PADI1: variants seen among roughly 807,000 people sequenced by gnomAD.
The protein encoded by PADI1 is protein-arginine deiminase type-1.
PADI1 carries 65 observed loss-of-function variants against 74.8 expected under a neutral mutation model. The ratio of observed to expected loss-of-function variants is 0.87; its 90% CI spans 0.71 to 1.07. The LOEUF is 1.07. PADI1 is among the 50% of genes least tolerant of loss of function. PADI1 has a pLI of 0.00. For synonymous variants in PADI1, 371 were observed against 336.2 expected, an observed-to-expected ratio of 1.10 and a Z score of -1.13; for missense variants, 943 against 854.0, an observed-to-expected ratio of 1.10 and a Z score of -1.30.
At position 17,240,780 on chromosome 1, in the gene PADI1, G is replaced by A. The variant is rs574753555; in HGVS notation, c.1758+20G>A. ...GACATGGTGAGAGCCCTTGTGCAGG[G>A]TCCTGCTGGGGGGTCTGCGGGGCTC... On this transcript the variant is annotated intron_variant, in intron 15 of 15. Transcript: ENST00000375471. 2 of 1,611,576 alleles carry A rather than the reference G, an allele frequency of 1.2e-6. No homozygotes were observed. The highest frequency in any genetic ancestry group is 2.2e-5 in the East Asian group (1 of 44,814).
intron 1 of PADI1, among the ~76,000 whole-genome samples, chr1:17,209,116 T>G (rs925774693): frequency 4.6e-5 from 7 of 152,208 alleles, no homozygotes; most frequent in African/African-American, 1.7e-4. Context: ...CGAAAACTTG[T>G]GGTATGTGTA....
chr1:17,222,632 G>A (rs1352499206), intron 2 of PADI1, among the ~76,000 whole-genome samples, 162 bp downstream of exon 2: 1 of 152,106 alleles, frequency 6.6e-6, no homozygotes, highest in Admixed American at 6.5e-5. Flanking sequence ...CAATGCCACT[G>A]ACGCCCAAAA....
At chr1:17,219,863 C>T (rs1216435572) in intron 1 of PADI1, among the ~76,000 whole-genome samples, 1 of 151,958 alleles carries the variant, frequency 6.6e-6, no homozygotes, top group Non-Finnish European at 1.5e-5. Context: ...GAAGGGGAGG[C>T]CATGCCTGCT....
At chr1:17,207,815 C>T (rs4384275) in intron 1 of PADI1, among the ~76,000 whole-genome samples, 45,455 of 152,118 alleles carry the variant, frequency 0.3, 7,248 homozygotes, top group African/African-American at 0.39. Flanking sequence ...CTTCAGGAAC[C>T]TTCACCTGGG....
chr1:17,215,374 T>C (rs1569761710), intron 1 of PADI1, among the ~76,000 whole-genome samples: 1 of 138,872 alleles, frequency 7.2e-6, no homozygotes, highest in African/African-American at 2.7e-5. Context: ...TTCTTCCCCC[T>C]TCTTTCATCA....
At chr1:17,230,003 G>A in intron 8 of PADI1, 82 bp from the exon 9 acceptor site, 1 of 1,379,594 alleles carries the variant, frequency 7.2e-7, no homozygotes, top group Non-Finnish European at 1.0e-6. Flanking sequence ...GCTGCACAGG[G>A]CCCAGCACAA....
chr1:17,210,148 T>C (rs2071796915), intron 1 of PADI1, among the ~76,000 whole-genome samples: 1 of 151,892 alleles, frequency 6.6e-6, no homozygotes, highest in Non-Finnish European at 1.5e-5. Flanking sequence ...CCTAAGTTTT[T>C]ATTTTATTTT....
rs1028251724 is a variant in PADI1, at chr1:17,232,952, T to C, written c.1295T>C (p.Ile432Thr). 5.0e-6 allele frequency: 8 copies of C among 1,607,860 alleles called. No individual in the cohort carries two copies. The highest frequency in any genetic ancestry group is 2.2e-5 in the East Asian group (1 of 44,736). Residue 432 changes from isoleucine (I) to threonine (T), a missense_variant, in exon 11 of 16, where the codon ATC (isoleucine) becomes ACC (threonine). Ile to Thr is a moderately conservative substitution (Grantham distance 89). Coordinates refer to ENST00000375471, the MANE Select transcript of PADI1 (RefSeq NM_013358.3). ...GAATACCCCCTGGGCCGGATCCTCATCGGGAGCAGCTTCCCCAAGTGAGGG... is the reference window on the plus strand; with the variant it reads ...GAATACCCCCTGGGCCGGATCCTCACCGGGAGCAGCTTCCCCAAGTGAGGG... ...GTEYPLGRIL[I>T]GSSFPKSGGR...
chr1:17,228,547 G>T lies in PADI1; in HGVS notation c.653-78G>T, dbSNP rs529744326. 42 of 1,497,456 alleles carry T rather than the reference G, an allele frequency of 2.8e-5. No individual in the cohort carries two copies. The African/African-American group carries it at 5.7e-4, about 20-fold the overall frequency. The allele number at this position is 1,497,456 out of a possible 1,614,324, so 92.8% of individuals were successfully genotyped here. A position where few individuals can be genotyped will look rare whatever the true frequency, so the allele number is the denominator to read the frequency against. ...ACCCAAGCTGCTCTAACCACAAAGG[G>T]GGCTCTGTCCTGGATTCCTGGGCTT... is the stretch of plus-strand genomic sequence containing the variant. On this transcript the variant is annotated intron_variant, in intron 6 of 15. Transcript: ENST00000375471.
Position 17,230,128 on chromosome 1 carries a change from A to C in PADI1, c.973A>C (p.Met325Leu). ...CTCCAATGAGAAATTCCTGGAGGAC[A>C]TGTCTTATCTGACATTGAAAGCCAA... The part of the protein sequence containing the change: ...HGSNEKFLED[M>L]SYLTLKANCK... Residue 325 changes from methionine to leucine, a missense_variant, in exon 9 of 16, where the codon ATG becomes CTG. Coordinates refer to ENST00000375471, the MANE Select transcript of PADI1 (RefSeq NM_013358.3). 1 of 1,614,024 alleles carries C rather than the reference A, an allele frequency of 6.2e-7. No individual in the cohort carries two copies. Among genetic ancestry groups the C allele is most frequent in the Middle Eastern group, 1.6e-4 (1 of 6,062 alleles).
chr1:17,238,111 C>T (rs753918392), intron 12 of PADI1, among the ~76,000 whole-genome samples: 2 of 152,220 alleles, frequency 1.3e-5, no homozygotes, highest in African/African-American at 2.4e-5. Flanking sequence ...TGCAATAGCG[C>T]GATCTTGGCT....
intron 1 of PADI1, among the ~76,000 whole-genome samples, chr1:17,214,914 G>A (rs1476730307): frequency 6.6e-6 from 1 of 152,252 alleles, no homozygotes; most frequent in Non-Finnish European, 1.5e-5. Flanking sequence ...TGCCTTGCTT[G>A]GGTGCCAGAG....
intron 11 of PADI1, 88 bp from the exon 12 acceptor site, chr1:17,237,226 C>T: frequency 2.8e-6 from 4 of 1,434,854 alleles, no homozygotes; most frequent in Admixed American, 2.2e-5. Context: ...GCAATTCCGC[C>T]CCCTGGTGGC....
intron 8 of PADI1, among the ~76,000 whole-genome samples, chr1:17,229,879 C>T (rs753622945): frequency 1.2e-4 from 19 of 152,192 alleles, no homozygotes; most frequent in African/African-American, 2.7e-4. Flanking sequence ...CCACTGCCCG[C>T]GCTTATGCCT....
At chr1:17,206,359 C>G (rs1437521711) in intron 1 of PADI1, among the ~76,000 whole-genome samples, 1 of 152,206 alleles carries the variant, frequency 6.6e-6, no homozygotes, top group African/African-American at 2.4e-5. Flanking sequence ...TCCTGCTTCT[C>G]TGTTGGGCAG....
chr1:17,236,905 G>C (rs2072656346), intron 11 of PADI1, among the ~76,000 whole-genome samples: 1 of 152,316 alleles, frequency 6.6e-6, no homozygotes, highest in African/African-American at 2.4e-5. Flanking sequence ...CTGTGCAAAG[G>C]CCCTGAGGCA....
In PADI1 at chr1:17,223,755, G is replaced by C. The variant is rs1375559527; in HGVS notation, c.346+62G>C. Reference sequence around the variant, plus strand: ...TGCCCCTCCAGGTTGACTGTTTGAGGGTCTTAGTGGATTCCTTGGAGTGGA... The same window carrying C: ...TGCCCCTCCAGGTTGACTGTTTGAGCGTCTTAGTGGATTCCTTGGAGTGGA... On this transcript the variant is annotated intron_variant, in intron 3 of 15. Coordinates refer to ENST00000375471, the MANE Select transcript of PADI1 (RefSeq NM_013358.3). The C allele has an allele frequency of 3.7e-6, 5 of 1,355,196 alleles. No individual in the cohort carries two copies. The East Asian group carries it at 1.2e-4, about 31-fold the overall frequency. The allele number at this position is 1,355,196 out of a possible 1,614,324, so 83.9% of individuals were successfully genotyped here.
At chr1:17,215,982 G>C (rs1005893014) in intron 1 of PADI1, among the ~76,000 whole-genome samples, 7 of 152,194 alleles carry the variant, frequency 4.6e-5, no homozygotes, top group Admixed American at 1.3e-4. Flanking sequence ...CAGGCAAGAA[G>C]GGTACATCAG....
chr1:17,233,503 A>G (rs1481659079), intron 11 of PADI1, among the ~76,000 whole-genome samples: 1 of 152,228 alleles, frequency 6.6e-6, no homozygotes, highest in Non-Finnish European at 1.5e-5. Flanking sequence ...CACCCTGGAC[A>G]GATGTGATGG....
Sources: allele counts gnomAD v4.1 joint callset (sites outside exome capture counted in the v4.1 genomes callset), GRCh38; gene constraint gnomAD v4.1.1; transcripts MANE v1.5; gene names NCBI Gene and HGNC (gene_info 2026-07-23, HGNC 2026-07-21).